Variants in KLF8 observed in about 807,000 individuals in gnomAD.
KLF8 encodes KLF transcription factor 8.
KLF8 carries 10 observed loss-of-function variants against 18.2 expected under a neutral mutation model. That is an observed-to-expected ratio of 0.55 (90% CI 0.34 to 0.93). KLF8 has a LOEUF of 0.93. Ranked by LOEUF, KLF8 falls within the 40% of genes least tolerant of loss-of-function variation. KLF8 has a pLI of 0.02. For synonymous variants in KLF8, 109 were observed against 97.3 expected (o/e 1.12, Z -0.71); for missense variants, 264 against 277.9 (o/e 0.95, Z 0.36).
chrX:56,038,611 C>T, the KLF8 span, among the ~76,000 whole-genome samples: 1 of 112,514 alleles, frequency 8.9e-6, no homozygotes, highest in Admixed American at 9.4e-5. Flanking sequence ...TTTATCCAGT[C>T]TATCATTAAT....
the KLF8 span, among the ~76,000 whole-genome samples, chrX:56,102,235 AG>A: frequency 2.7e-5 from 3 of 111,212 alleles, no homozygotes; most frequent in Middle Eastern, 9.2e-3. Context: ...CGTTTTTGTC[AG>A]CTTTCTTGAA....
chrX:56,126,110 C>A, the KLF8 span, among the ~76,000 whole-genome samples: 1 of 111,485 alleles, frequency 9.0e-6, no homozygotes, highest in East Asian at 2.8e-4. Flanking sequence ...CTTAACTTGT[C>A]CCAGTCTTAA....
At chrX:56,111,794 G>A in the KLF8 span, among the ~76,000 whole-genome samples, 9 of 111,850 alleles carry the variant, frequency 8.0e-5, no homozygotes, top group East Asian at 2.8e-4. Flanking sequence ...ACCATCTCAC[G>A]CCAGTTAGAA....
chrX:56,001,606 C>T, the KLF8 span, among the ~76,000 whole-genome samples: 1 of 112,070 alleles, frequency 8.9e-6, no homozygotes, highest in Admixed American at 9.4e-5. Context: ...TATATATTCT[C>T]CTCAACCAGA....
the KLF8 span, among the ~76,000 whole-genome samples, chrX:56,171,237 A>G: frequency 8.9e-6 from 1 of 112,185 alleles, no homozygotes; most frequent in African/African-American, 3.2e-5. Flanking sequence ...ACAGTACAAA[A>G]AGATATAAAT....
chrX:56,260,644 C>T (rs995614634), intron 2 of KLF8, among the ~76,000 whole-genome samples: 5 of 111,378 alleles, frequency 4.5e-5, no homozygotes, highest in Admixed American at 9.5e-5. Flanking sequence ...CTCCATCCAC[C>T]GCTCCATTTT....
At chrX:56,137,937 A>G in the KLF8 span, among the ~76,000 whole-genome samples, 3 of 107,696 alleles carry the variant, frequency 2.8e-5, no homozygotes, top group East Asian at 8.8e-4. Context: ...GAAGGAATGA[A>G]TAAGATTGGT....
the KLF8 span, among the ~76,000 whole-genome samples, chrX:55,922,305 C>A: frequency 1.8e-5 from 2 of 112,652 alleles, no homozygotes; most frequent in Middle Eastern, 4.6e-3. Flanking sequence ...GAGATCTTGT[C>A]CTTTGTAGGA....
the KLF8 span, among the ~76,000 whole-genome samples, chrX:55,971,836 A>G: frequency 1.8e-5 from 2 of 111,520 alleles, no homozygotes; most frequent in Non-Finnish European, 3.8e-5. Flanking sequence ...CATCAGAAAA[A>G]CGCAAATCAA....
At chrX:56,266,985 A>T in intron 3 of KLF8, 1 of 753,447 alleles carries the variant, frequency 1.3e-6, no homozygotes, top group Non-Finnish European at 1.6e-6. Flanking sequence ...TATCCATTCC[A>T]TATATGAAGG....
chrX:56,032,234 A>T, the KLF8 span, among the ~76,000 whole-genome samples: 2 of 111,694 alleles, frequency 1.8e-5, no homozygotes, highest in Admixed American at 1.9e-4. Context: ...GGCCTCCCAA[A>T]GTGCTGGTGA....
At chrX:56,264,772 G>A (rs781402213) in intron 2 of KLF8, among the ~76,000 whole-genome samples, 4 of 111,109 alleles carry the variant, frequency 3.6e-5, no homozygotes, top group Admixed American at 2.9e-4. Context: ...CGCCTTGCTT[G>A]TATGCCTGTT....
the KLF8 span, among the ~76,000 whole-genome samples, chrX:56,115,869 CAAGT>C: frequency 7.1e-5 from 8 of 111,976 alleles, no homozygotes; most frequent in African/African-American, 2.6e-4. Flanking sequence ...ATACACAGAG[CAAGT>C]AAGTACCATA....
In KLF8 at chrX:56,267,124, T is replaced by C. The variant is rs1042600215; in HGVS notation, c.646+1380T>C. ...GATGGTTTGAAGGAGCTTTGAATAGTCCCCATAATATCATCAGTCCATCAG... is the reference window on the plus strand; with the variant it reads ...GATGGTTTGAAGGAGCTTTGAATAGCCCCCATAATATCATCAGTCCATCAG... On this transcript the variant is annotated intron_variant, in intron 3 of 5. Transcript: ENST00000468660. 7 of 751,350 alleles carry C rather than the reference T, an allele frequency of 9.3e-6. No homozygotes were observed. The African/African-American group carries it at 1.6e-4, about 17-fold the overall frequency. 61.9% of individuals were successfully genotyped at this position (751,350 alleles called of 1,213,427 possible).
the KLF8 span, among the ~76,000 whole-genome samples, chrX:56,103,080 T>C: frequency 9.0e-6 from 1 of 110,655 alleles, no homozygotes; most frequent in Non-Finnish European, 1.9e-5. Context: ...ATCTCCATTT[T>C]GGTACCAGTA....
At chrX:56,192,831 G>C in the KLF8 span, among the ~76,000 whole-genome samples, 45 of 112,388 alleles carry the variant, frequency 4.0e-4, no homozygotes, top group Admixed American at 4.2e-3. Flanking sequence ...TTAAAGACTT[G>C]AATCAAACAT....
the KLF8 span, among the ~76,000 whole-genome samples, chrX:56,157,942 GT>G: frequency 8.9e-6 from 1 of 111,993 alleles, no homozygotes; most frequent in Middle Eastern, 4.6e-3. Context: ...TGCTTTTGGT[GT>G]TTTAGACATG....
At chrX:56,178,819 C>T in the KLF8 span, among the ~76,000 whole-genome samples, 1 of 111,739 alleles carries the variant, frequency 8.9e-6, no homozygotes, top group Non-Finnish European at 1.9e-5. Flanking sequence ...AGTCTGAGGG[C>T]TCTGTTCTGT....
intron 2 of KLF8, among the ~76,000 whole-genome samples, chrX:56,254,547 T>G (rs1293849791): frequency 8.9e-6 from 1 of 111,948 alleles, no homozygotes; most frequent in Non-Finnish European, 1.9e-5. Context: ...ACTGAAGTTC[T>G]TGTCTGGCAT....
Sources: allele counts gnomAD v4.1 joint callset (sites outside exome capture counted in the v4.1 genomes callset), GRCh38; gene constraint gnomAD v4.1.1; transcripts MANE v1.5; gene names NCBI Gene and HGNC (gene_info 2026-07-23, HGNC 2026-07-21).